Variants in SEC24D observed in about 807,000 individuals in gnomAD.
SEC24D encodes the protein protein transport protein Sec24D.
SEC24D carries 69 observed loss-of-function variants against 116.9 expected under a neutral mutation model. The ratio of observed to expected loss-of-function variants is 0.59; its 90% CI spans 0.49 to 0.72. The LOEUF is 0.72. Among genes scored for constraint, SEC24D ranks in the 30% least tolerant of loss-of-function variants. The pLI, the probability that SEC24D is intolerant of heterozygous loss-of-function variation, is 0.00. For synonymous variants in SEC24D, 405 were observed against 442.8 expected (o/e 0.91, Z 1.07); for missense variants, 1,131 against 1,264.1 (o/e 0.89, Z 1.60).
chr4:118,746,142 C>T (rs551029055), intron 13 of SEC24D, among the ~76,000 whole-genome samples: 78 of 149,738 alleles, frequency 5.2e-4, no homozygotes, highest in African/African-American at 1.5e-3. Flanking sequence ...TGCCACTGCA[C>T]TCCAGCCTAG....
At chr4:118,748,813 T>C (rs1726673499) in intron 13 of SEC24D, among the ~76,000 whole-genome samples, 1 of 152,138 alleles carries the variant, frequency 6.6e-6, no homozygotes, top group Admixed American at 6.6e-5. Context: ...AGGACCTTGA[T>C]TTTGTGTTTC....
chr4:118,810,073 G>GGTGTGTGTGTGTGTGT (rs1560736678), intron 6 of SEC24D, among the ~76,000 whole-genome samples: 1 of 47,832 alleles, frequency 2.1e-5, no homozygotes, highest in Non-Finnish European at 4.1e-5. Context: ...GTCAGAGGTA[G>GGTGTGTGTGTGTGTGT]CTGTGTGTGT....
rs115360030 is a variant in SEC24D at position 118,812,904 on chromosome 4, C to T, written c.801+2124G>A. Among the ~76,000 whole-genome samples, 778 of 152,204 alleles carry T rather than the reference C, an allele frequency of 5.1e-3. 7 individuals are homozygous for T. Among genetic ancestry groups the T allele is most frequent in the African/African-American group, 0.018 (746 of 41,524 alleles). On this transcript the variant is annotated intron_variant, in intron 6 of 22. Coordinates refer to ENST00000280551, the MANE Select transcript of SEC24D (RefSeq NM_014822.4). ...TGGGACTTCAGCTGTAAACATTCAC[C>T]CCTAGACACTGCCATGGGAGTCGGA...
chr4:118,807,214 G>T (rs532423807), intron 6 of SEC24D, among the ~76,000 whole-genome samples: 2 of 152,088 alleles, frequency 1.3e-5, no homozygotes, highest in African/African-American at 4.8e-5. Context: ...GTTTTTGCCC[G>T]CTGCAGAGAA....
intron 21 of SEC24D, chr4:118,728,958 A>G (rs1725544879): frequency 4.5e-6 from 1 of 220,440 alleles, no homozygotes. Flanking sequence ...TTCTGCATCC[A>G]TGGATTCAGC....
chr4:118,795,548 C>G (rs1360172281), intron 8 of SEC24D, among the ~76,000 whole-genome samples: 1 of 152,036 alleles, frequency 6.6e-6, no homozygotes, highest in Non-Finnish European at 1.5e-5. Context: ...GCGGTATGCT[C>G]ATACAATGAA....
At chr4:118,759,282 G>A (rs1727254050) in intron 10 of SEC24D, among the ~76,000 whole-genome samples, 1 of 152,136 alleles carries the variant, frequency 6.6e-6, no homozygotes, top group Non-Finnish European at 1.5e-5. Flanking sequence ...AGATTTGGCT[G>A]TTCCTTTTCC....
intron 10 of SEC24D, among the ~76,000 whole-genome samples, chr4:118,763,727 T>C (rs557550060): frequency 7.9e-5 from 12 of 152,304 alleles, no homozygotes; most frequent in South Asian, 2.1e-4. Flanking sequence ...CGCAAATTCA[T>C]TGTTTTATTC....
chr4:118,727,741 T>G (rs1725483498), intron 22 of SEC24D, among the ~76,000 whole-genome samples: 2 of 152,048 alleles, frequency 1.3e-5, no homozygotes, highest in Non-Finnish European at 2.9e-5. Context: ...ATAGGTGCTG[T>G]GTGGTGTGAA....
Position 118,744,039 on chromosome 4 carries a change from C to T in SEC24D, c.1944G>A (p.Gly648=). ...PSQYVDVASL[G]LVPQLTGGTL... ...TTCCTCCAGTGAGCTGAGGAACCAG[C>T]CCCAGCGAGGCCACGTCCACATACT... is the stretch of plus-strand genomic sequence containing the variant. The change falls in exon 15 of 23, where the codon GGG becomes GGA. Residue 648 remains glycine (G), a synonymous_variant. Transcript: ENST00000280551. The T allele has an allele frequency of 6.2e-7, 1 of 1,613,194 alleles. No homozygotes were observed. The highest frequency in any genetic ancestry group is 1.1e-5 in the South Asian group (1 of 90,944).
intron 8 of SEC24D, among the ~76,000 whole-genome samples, chr4:118,779,939 G>A (rs1017483917): frequency 7.2e-5 from 11 of 152,036 alleles, no homozygotes; most frequent in Admixed American, 2.0e-4. Context: ...CTGTGGGATC[G>A]GTGGTGACAT....
chr4:118,776,574 T>C (rs1207413821), intron 8 of SEC24D, among the ~76,000 whole-genome samples: 1 of 152,226 alleles, frequency 6.6e-6, no homozygotes, highest in African/African-American at 2.4e-5. Flanking sequence ...GATTGGGTTA[T>C]GCTGACACAA....
chr4:118,820,416 T>G (rs1263745917), intron 3 of SEC24D, among the ~76,000 whole-genome samples: 2 of 152,190 alleles, frequency 1.3e-5, no homozygotes, highest in Non-Finnish European at 2.9e-5. Context: ...CGTGACCTCG[T>G]GATCCGCCCG....
chr4:118,735,249 A>G (rs1488870024), intron 19 of SEC24D, among the ~76,000 whole-genome samples: 1 of 152,232 alleles, frequency 6.6e-6, no homozygotes, highest in Non-Finnish European at 1.5e-5. Context: ...ACAAAACCAA[A>G]AAAATGGAGT....
At chr4:118,780,118 TGTTA>T (rs1728330381) in intron 8 of SEC24D, among the ~76,000 whole-genome samples, 1 of 152,224 alleles carries the variant, frequency 6.6e-6, no homozygotes, top group Non-Finnish European at 1.5e-5. Flanking sequence ...TCTGCTCTGA[TGTTA>T]GTTATTCCTT....
intron 2 of SEC24D, among the ~76,000 whole-genome samples, chr4:118,828,901 GC>G (rs1393464574): frequency 6.6e-6 from 1 of 152,140 alleles, no homozygotes; most frequent in Non-Finnish European, 1.5e-5. Context: ...CCCCAGCTAT[GC>G]CAAATGTCTT....
At chr4:118,831,783 G>A (rs2110544413) in intron 2 of SEC24D, among the ~76,000 whole-genome samples, 1 of 152,216 alleles carries the variant, frequency 6.6e-6, no homozygotes, top group Non-Finnish European at 1.5e-5. Context: ...AGCACTTTCT[G>A]TGAATGATCC....
In SEC24D at chr4:118,818,866, T is replaced by C. The variant is rs540934380; in HGVS notation, c.249-1454A>G. Among the ~76,000 whole-genome samples the C allele has an allele frequency of 4.6e-5, 7 of 152,318 alleles. 1 individual carries two copies. In the East Asian group the frequency reaches 1.2e-3, roughly 25 times the overall value. On this transcript the variant is annotated intron_variant, in intron 3 of 22. Transcript: ENST00000280551. ...CTAGAAATAATGGAATGAATAACAT[T>C]GTAACCCAAAAATACTGTTAAACAA...
At chr4:118,834,903 T>G (rs1039513894) in intron 1 of SEC24D, among the ~76,000 whole-genome samples, 3 of 152,216 alleles carry the variant, frequency 2.0e-5, no homozygotes, top group Non-Finnish European at 2.9e-5. Flanking sequence ...AATTAAAAAT[T>G]TGAAGCCTAA....
Sources: gnomAD v4.1 joint callset for allele counts (sites outside exome capture counted in the v4.1 genomes callset) on GRCh38, gnomAD v4.1.1 for gene constraint, MANE v1.5 for transcripts, NCBI Gene and HGNC (gene_info 2026-07-23, HGNC 2026-07-21) for gene names.